MYO16: variants seen among roughly 807,000 people sequenced by gnomAD.
MYO16 encodes the protein myosin XVI.
Under a neutral mutation model 205.3 loss-of-function variants are expected in MYO16, and 94 were observed. The observed-to-expected ratio is 0.46, with a 90% confidence interval of 0.39 to 0.54. The LOEUF is 0.54. Ranked by LOEUF, MYO16 falls within the 20% of genes least tolerant of loss-of-function variation. The pLI is 0.00. For synonymous variants in MYO16, 988 were observed against 954.0 expected (o/e 1.04, Z -0.66); for missense variants, 2,315 against 2,387.5 (o/e 0.97, Z 0.63).
intron 22 of MYO16, among the ~76,000 whole-genome samples, chr13:109,011,576 G>A (rs1000530319): frequency 1.8e-4 from 27 of 148,928 alleles, no homozygotes; most frequent in Admixed American, 6.1e-4. Flanking sequence ...ATGCAGTGGC[G>A]CGATCTCGGC....
chr13:108,592,728 C>CTGTGTGTGTGTGTGTGTGTGTGTG (rs55845447), upstream of MYO16, among the ~76,000 whole-genome samples: 2 of 139,302 alleles, frequency 1.4e-5, no homozygotes, highest in African/African-American at 5.5e-5. Flanking sequence ...GTGAGGGTGG[C>CTGTGTGTGTGTGTGTGTGTGTGTG]TGTGTGTGTG....
intron 4 of MYO16, among the ~76,000 whole-genome samples, chr13:108,734,696 C>G (rs1472682376): frequency 1.3e-5 from 2 of 152,242 alleles, no homozygotes; most frequent in African/African-American, 4.8e-5. Context: ...ATGCTGCCGC[C>G]ACCCACTGCT....
At chr13:109,061,679 G>A (rs1005517023) in intron 27 of MYO16, among the ~76,000 whole-genome samples, 1 of 152,106 alleles carries the variant, frequency 6.6e-6, no homozygotes, top group African/African-American at 2.4e-5. Context: ...CTGACCACAG[G>A]TCACCATAAC....
rs1880229109 is a variant in MYO16, at chr13:108,636,349, TTTTTTTTTTTTTTTTTTTTTTG to T, written c.28+6479_28+6500del. On this transcript the variant is annotated intron_variant, in intron 1 of 34. Transcript: ENST00000457511. ...TCTTAAATGAAAAAATATTTCCCTT[TTTTTTTTTTTTTTTTTTTTTTG>T]TGTGTGTGTGTGTGTGTGTGTGTGT... Among the ~76,000 whole-genome samples the T allele has an allele frequency of 1.4e-4, 3 of 21,750 alleles. No homozygotes were observed. In the South Asian group the frequency reaches 0.011, roughly 83 times the overall value. 14.3% of individuals were successfully genotyped at this position (21,750 alleles called of 152,430 possible). A position where few individuals can be genotyped will look rare whatever the true frequency, so the allele number is the denominator to read the frequency against.
At chr13:109,159,181 A>G (rs989943154) in intron 32 of MYO16, among the ~76,000 whole-genome samples, 3 of 152,220 alleles carry the variant, frequency 2.0e-5, no homozygotes, top group Non-Finnish European at 4.4e-5. Context: ...TAGAAAACAA[A>G]CAGCTCCACT....
At chr13:109,030,480 A>T (rs1349935791) in intron 23 of MYO16, among the ~76,000 whole-genome samples, 1 of 152,186 alleles carries the variant, frequency 6.6e-6, no homozygotes, top group African/African-American at 2.4e-5. Flanking sequence ...AACACCAGAA[A>T]AGTGGTTTAA....
intron 1 of MYO16, among the ~76,000 whole-genome samples, chr13:108,616,214 T>C (rs552119300): frequency 2.0e-4 from 31 of 152,314 alleles, no homozygotes; most frequent in Middle Eastern, 3.4e-3. Flanking sequence ...AGTTTTTAAA[T>C]TGAATATTTG....
At chr13:109,077,507 G>T (rs1888147195) in intron 27 of MYO16, among the ~76,000 whole-genome samples, 1 of 152,168 alleles carries the variant, frequency 6.6e-6, no homozygotes, top group African/African-American at 2.4e-5. Flanking sequence ...CACAGAATCT[G>T]TGGTTTGCAT....
intron 1 of MYO16, among the ~76,000 whole-genome samples, chr13:108,658,425 T>TG (rs1483359264): frequency 1.3e-4 from 15 of 117,560 alleles, no homozygotes; most frequent in Admixed American, 2.8e-4. Context: ...TTGTTTCAAC[T>TG]TTGTGTGTGT....
intron 4 of MYO16, among the ~76,000 whole-genome samples, chr13:108,757,882 A>G (rs1303130918): frequency 3.3e-5 from 5 of 152,190 alleles, no homozygotes; most frequent in Non-Finnish European, 5.9e-5. Flanking sequence ...AGTCCTGTGG[A>G]TATGTATGCG....
intron 16 of MYO16, among the ~76,000 whole-genome samples, chr13:108,944,654 G>A (rs1034857188): frequency 1.3e-5 from 2 of 152,052 alleles, no homozygotes; most frequent in African/African-American, 2.4e-5. Flanking sequence ...GTATGAGAGC[G>A]ATTACTAAAG....
At position 109,140,378 on chromosome 13, in the gene MYO16, CG is replaced by C; in HGVS notation, c.4170del (p.Ser1391ProfsTer19). The C allele has an allele frequency of 1.9e-6, 3 of 1,599,824 alleles. No individual in the cohort carries two copies. The highest frequency in any genetic ancestry group is 2.5e-6 in the Non-Finnish European group (3 of 1,177,804). On this transcript the variant is annotated frameshift_variant, in exon 32 of 35. Coordinates refer to ENST00000457511, the MANE Select transcript of MYO16 (RefSeq NM_001198950.3). LOFTEE classifies it high-confidence loss of function. This position sits in a 1 kb window ranked among gnomAD's most constrained non-coding sequence, Gnocchi z 8.0. The stretch of plus-strand genomic sequence containing the variant: ...CTCAGCGGCTCCTACGAGGAGATAT[CG>C]GGGTCCCGGCCCGGGGACGCGAGGC... Reference protein sequence around the residue: ...TKLSGSYEEISGSRPGDARPA... With the variant: ...TKLSGSYEEIXGSRPGDARPA...
At chr13:109,146,141 T>C (rs991987435) in intron 32 of MYO16, among the ~76,000 whole-genome samples, 1 of 152,222 alleles carries the variant, frequency 6.6e-6, no homozygotes, top group Non-Finnish European at 1.5e-5. Context: ...CAAATCTATT[T>C]GATAGAACTA....
At chr13:108,574,931 G>T in the MYO16 span, among the ~76,000 whole-genome samples, 1 of 152,064 alleles carries the variant, frequency 6.6e-6, no homozygotes, top group African/African-American at 2.4e-5. Context: ...CTAGTATAAG[G>T]TGTACTGACA....
chr13:109,094,719 A>G (rs776371029), intron 27 of MYO16, among the ~76,000 whole-genome samples: 5 of 151,506 alleles, frequency 3.3e-5, no homozygotes, highest in South Asian at 4.2e-4. Context: ...TCATTGTTCA[A>G]CTCCTACTTA....
intron 2 of MYO16, among the ~76,000 whole-genome samples, chr13:108,698,783 A>G (rs1456727426): frequency 6.6e-6 from 1 of 152,224 alleles, no homozygotes. Flanking sequence ...GCTTTCTCAA[A>G]GAGTCTCTAC....
chr13:108,691,007 G>A (rs1042355815), intron 2 of MYO16, among the ~76,000 whole-genome samples: 17 of 152,080 alleles, frequency 1.1e-4, no homozygotes, highest in African/African-American at 4.1e-4. Flanking sequence ...TAAAAATTAT[G>A]ATTCTTATGG....
At chr13:108,836,302 T>C (rs764034897) in intron 9 of MYO16, among the ~76,000 whole-genome samples, 6 of 152,134 alleles carry the variant, frequency 3.9e-5, no homozygotes, top group Non-Finnish European at 5.9e-5. Flanking sequence ...AAGTCAAGAA[T>C]TGGGATTTGG....
At chr13:108,606,989 A>T (rs542543640) in intron 1 of MYO16, among the ~76,000 whole-genome samples, 24 of 152,248 alleles carry the variant, frequency 1.6e-4, no homozygotes, top group African/African-American at 5.8e-4. Context: ...TTTAATGATT[A>T]CCCTGTTGGA....
Sources: gnomAD v4.1 joint callset for allele counts (sites outside exome capture counted in the v4.1 genomes callset) on GRCh38, gnomAD v4.1.1 for gene constraint, Gnocchi (gnomAD v3.1) non-coding constraint, MANE v1.5 for transcripts, NCBI Gene and HGNC (gene_info 2026-07-23, HGNC 2026-07-21) for gene names.